Variants in TLN2 observed in about 807,000 individuals in gnomAD.
The protein encoded by TLN2 is talin-2.
A neutral mutation model predicts 294.7 loss-of-function variants in TLN2; 118 were observed. The observed-to-expected ratio is 0.40, with a 90% CI of 0.34 to 0.47. The LOEUF is 0.47. TLN2 is among the 20% of genes least tolerant of loss of function. The pLI is 0.84. For synonymous variants in TLN2, 1,431 were observed against 1,304.5 expected (o/e 1.10, Z -2.09); for missense variants, 3,083 against 3,282.2 (o/e 0.94, Z 1.48).
chr15:62,703,926 C>T (rs2058892335), intron 19 of TLN2, among the ~76,000 whole-genome samples: 1 of 152,062 alleles, frequency 6.6e-6, no homozygotes, highest in Non-Finnish European at 1.5e-5. Flanking sequence ...TGGTTCAGGC[C>T]AGGATGAGCT....
chr15:62,402,947 GAAA>G (rs758995537), intron 1 of TLN2, among the ~76,000 whole-genome samples: 1 of 152,002 alleles, frequency 6.6e-6, no homozygotes, highest in South Asian at 2.1e-4. Flanking sequence ...TCATCTAAAG[GAAA>G]AAAACAGCAG....
intron 1 of TLN2, among the ~76,000 whole-genome samples, chr15:62,492,089 G>T (rs916410491): frequency 6.6e-6 from 1 of 151,840 alleles, no homozygotes; most frequent in African/African-American, 2.4e-5. Context: ...GATGTATTTT[G>T]ATAACTTATT....
chr15:62,468,828 A>C (rs774263436), intron 1 of TLN2, among the ~76,000 whole-genome samples: 18 of 150,992 alleles, frequency 1.2e-4, no homozygotes, highest in Non-Finnish European at 2.4e-4. Context: ...GTTCATGACA[A>C]TTCTTTAGAA....
chr15:62,700,566 C>T (rs2058651153), intron 16 of TLN2, among the ~76,000 whole-genome samples: 1 of 152,174 alleles, frequency 6.6e-6, no homozygotes, highest in Non-Finnish European at 1.5e-5. Flanking sequence ...GATCTCAACC[C>T]ATCCCCTCAT....
At chr15:62,546,448 T>C (rs972231515) in intron 1 of TLN2, among the ~76,000 whole-genome samples, 25 of 152,208 alleles carry the variant, frequency 1.6e-4, no homozygotes, top group African/African-American at 5.3e-4. Flanking sequence ...TGTGTTAATT[T>C]TGGTATTTCA....
intron 7 of TLN2, among the ~76,000 whole-genome samples, chr15:62,654,224 A>G (rs2052934034): frequency 6.6e-6 from 1 of 152,104 alleles, no homozygotes; most frequent in African/African-American, 2.4e-5. Flanking sequence ...TACAGTCTGG[A>G]TTTTCTTCAT....
At position 62,647,327 on chromosome 15, in the gene TLN2, T is replaced by A; in HGVS notation, c.17T>A (p.Leu6Ter). 3.7e-6 allele frequency: 6 copies of A among 1,614,158 alleles called. No homozygotes were observed. Among genetic ancestry groups the A allele is most frequent in the Non-Finnish European group, 5.1e-6 (6 of 1,180,006 alleles). ...TCTAGGAAAATGGTGGCCCTGTCCT[T>A]AAAGATTTGTGTGCGCCACTGCAAC... MVALS[L>*]KICVRHCNVV... is the part of the protein sequence containing the mutation. The change falls in exon 4 of 59, where the codon TTA (leucine) becomes TAA (stop). Residue 6 changes from leucine (L) to a stop codon, truncating the protein, a stop_gained. Coordinates refer to ENST00000636159, the MANE Select transcript of TLN2 (RefSeq NM_015059.3). LOFTEE classifies it high-confidence loss of function.
intron 3 of TLN2, among the ~76,000 whole-genome samples, chr15:62,641,601 C>T (rs1321261943): frequency 6.6e-6 from 1 of 151,844 alleles, no homozygotes; most frequent in Non-Finnish European, 1.5e-5. Context: ...CTTGCCTGGG[C>T]TACGAGTAAA....
In TLN2 at chr15:62,503,504, C is replaced by T. The variant is rs114807481; in HGVS notation, c.-237-86183C>T. Among the ~76,000 whole-genome samples the T allele has an allele frequency of 5.9e-3, 894 of 152,342 alleles. 13 individuals carry two copies. The highest frequency in any genetic ancestry group is 0.021 in the African/African-American group (859 of 41,578). ...TTAGTGGTTCAGTCACTGCCACAGT[C>T]TATTAAAGCTTCTTAGGGAAGTGAT... On this transcript the variant is annotated intron_variant, in intron 1 of 58. Transcript: ENST00000636159.
chr15:62,825,818 A>AATATATATAAATATAT, intron 54 of TLN2, among the ~76,000 whole-genome samples: 1 of 74,468 alleles, frequency 1.3e-5, no homozygotes, highest in Non-Finnish European at 2.1e-5. Context: ...TTATATTATA[A>AATATATATAAATATAT]TATATATTAT....
chr15:62,391,867 TGCCCGGGTGC>T (rs530823966), intron 1 of TLN2, among the ~76,000 whole-genome samples: 178 of 152,374 alleles, frequency 1.2e-3, no homozygotes, highest in African/African-American at 4.1e-3. Context: ...CAGCTACCGC[TGCCCGGGTGC>T]TCAGCCGGAG....
chr15:62,773,663 T>C (rs886245666), intron 42 of TLN2, among the ~76,000 whole-genome samples: 2 of 152,166 alleles, frequency 1.3e-5, no homozygotes. Flanking sequence ...AATAAAGGTT[T>C]GTCAAATAGT....
In TLN2 at chr15:62,835,983, T is replaced by A. The variant is rs755325233; in HGVS notation, c.7284T>A (p.Ser2428=). ...CCAGCGAGGAGAAGCTCATCTCATC[T>A]GCCAAGCAGGTCGCCGCTTCCACGG... ...GHASEEKLIS[S]AKQVAASTAQ... Residue 2428 remains serine (S), a synonymous_variant, in exon 57 of 59, where the codon TCT becomes TCA. Transcript: ENST00000636159. 7 of 1,613,996 alleles carry A rather than the reference T, an allele frequency of 4.3e-6. No homozygotes were observed. The highest frequency in any genetic ancestry group is 3.3e-4 in the Middle Eastern group (2 of 6,084).
intron 57 of TLN2, among the ~76,000 whole-genome samples, chr15:62,837,797 C>T (rs931245956): frequency 6.6e-6 from 1 of 152,186 alleles, no homozygotes; most frequent in Non-Finnish European, 1.5e-5. Context: ...AATTGGTTCG[C>T]GTCCCACCCT....
chr15:62,636,948 A>G (rs539704986), intron 3 of TLN2, among the ~76,000 whole-genome samples: 1 of 152,298 alleles, frequency 6.6e-6, no homozygotes. Context: ...GAGCACTTGT[A>G]GAACAAAGCT....
At chr15:62,430,698 C>G (rs10519149) in intron 1 of TLN2, among the ~76,000 whole-genome samples, 17,931 of 152,106 alleles carry the variant, frequency 0.12, 1,125 homozygotes, top group Admixed American at 0.14. Context: ...GCATTGTGCT[C>G]AAACCCCATG....
chr15:62,762,751 T>G (rs921793489), intron 39 of TLN2, among the ~76,000 whole-genome samples: 1 of 152,192 alleles, frequency 6.6e-6, no homozygotes, highest in Non-Finnish European at 1.5e-5. Flanking sequence ...GCAGAAAAAT[T>G]TGGGTAATAT....
intron 1 of TLN2, among the ~76,000 whole-genome samples, chr15:62,503,141 T>A (rs2039399060): frequency 6.6e-6 from 1 of 152,208 alleles, no homozygotes; most frequent in Admixed American, 6.5e-5. Flanking sequence ...TTATAGCCAT[T>A]AAAATATATG....
At chr15:62,628,803 A>G (rs981046576) in intron 3 of TLN2, among the ~76,000 whole-genome samples, 3 of 152,232 alleles carry the variant, frequency 2.0e-5, no homozygotes, top group Non-Finnish European at 2.9e-5. Context: ...CCCTGTCCTG[A>G]TATCTGCAAA....
Sources: gnomAD v4.1 joint callset for allele counts (sites outside exome capture counted in the v4.1 genomes callset) on GRCh38, gnomAD v4.1.1 for gene constraint, MANE v1.5 for transcripts, NCBI Gene and HGNC (gene_info 2026-07-23, HGNC 2026-07-21) for gene names.